The following GNB1 variants were observed in gnomAD, a reference collection of about 807,000 sequenced individuals.
GNB1 encodes the protein G protein subunit beta 1.
A neutral mutation model predicts 42.9 loss-of-function variants in GNB1; 2 were observed. The ratio of observed to expected loss-of-function variants is 0.05; its 90% CI spans 0.02 to 0.15. GNB1 has a LOEUF of 0.15. GNB1 is among the 10% of genes least tolerant of loss of function. The pLI is 1.00. For synonymous variants in GNB1, 183 were observed against 174.7 expected (o/e 1.05, Z -0.38); for missense variants, 193 against 462.2 (o/e 0.42, Z 5.34).
chr1:1,812,415 C>CAT (rs1396434397), intron 5 of GNB1, among the ~76,000 whole-genome samples: 1 of 150,462 alleles, frequency 6.6e-6, no homozygotes, highest in African/African-American at 2.4e-5. Flanking sequence ...CATACACACA[C>CAT]ACACACACAC....
chr1:1,790,563 C>T lies in GNB1; in HGVS notation c.531G>A (p.Thr177=), dbSNP rs755635323. ...CTCCAGTGTGTCCGGTAAACGTGGT[C>T]GTCTGCTGGCCGGTCTCGATGTCCC... ...ALWDIETGQQ[T]TTFTGHTGDV... The change falls in exon 9 of 12, where the codon ACG becomes ACA. Residue 177 remains threonine (T), a synonymous_variant. Transcript: ENST00000378609. The surrounding 1 kb of genome is among the most constrained non-coding windows in gnomAD (Gnocchi z 5.4). 6.8e-6 allele frequency: 11 copies of T among 1,613,692 alleles called. No individual in the cohort carries two copies. The highest frequency in any genetic ancestry group is 8.5e-6 in the Non-Finnish European group (10 of 1,179,726).
chr1:1,817,638 G>C, intron 4 of GNB1, 199 bp downstream of exon 4: 1 of 478,610 alleles, frequency 2.1e-6, no homozygotes, highest in Admixed American at 3.2e-5. Flanking sequence ...TTCAAGGCTT[G>C]AGATATCTCA....
rs143028860 is a variant in GNB1 at position 1,854,614 on chromosome 1, G to GT, written c.-95-15377dup. Among the ~76,000 whole-genome samples the GT allele has an allele frequency of 3.9e-3, 588 of 152,306 alleles. 4 individuals carry two copies. Among genetic ancestry groups the GT allele is most frequent in the African/African-American group, 0.014 (565 of 41,572 alleles). On this transcript the variant is annotated intron_variant, in intron 1 of 11. Coordinates refer to ENST00000378609, the MANE Select transcript of GNB1 (RefSeq NM_002074.5). ...GTTAGTCCCAGACATTCCTTCCTAA[G>GT]TAAGTTTTTAAGCTGGGCGCATTGG...
At chr1:1,836,565 T>A (rs184902188) in intron 2 of GNB1, among the ~76,000 whole-genome samples, 77 of 152,010 alleles carry the variant, frequency 5.1e-4, no homozygotes, top group African/African-American at 1.8e-3. Context: ...CTAAATTTTT[T>A]TTTTGGAGAC....
chr1:1,802,392 TGTAAA>T (rs1464849877), intron 7 of GNB1, among the ~76,000 whole-genome samples: 5 of 152,194 alleles, frequency 3.3e-5, no homozygotes, highest in African/African-American at 1.2e-4. Context: ...ACTTCAGATA[TGTAAA>T]AATTATACAT....
At chr1:1,808,133 T>C (rs938753514) in intron 5 of GNB1, among the ~76,000 whole-genome samples, 1 of 152,066 alleles carries the variant, frequency 6.6e-6, no homozygotes, top group Non-Finnish European at 1.5e-5. Context: ...GCCTCCAAAG[T>C]AGCTGGGATT....
chr1:1,799,013 G>A (rs12756821), intron 7 of GNB1, among the ~76,000 whole-genome samples: 24 of 150,382 alleles, frequency 1.6e-4, no homozygotes, highest in Non-Finnish European at 3.4e-4. Context: ...TCCGCCCCCC[G>A]GGGTTCACGC....
chr1:1,880,543 G>A (rs1248355342), intron 1 of GNB1, among the ~76,000 whole-genome samples: 5 of 151,788 alleles, frequency 3.3e-5, no homozygotes, highest in Non-Finnish European at 7.4e-5. Context: ...CCGAGATCGC[G>A]CCACTGCACT....
Position 1,789,034 on chromosome 1 carries a change from A to T in GNB1, c.916+19T>A, listed in dbSNP as rs1353041878. The T allele has an allele frequency of 6.4e-7, 1 of 1,564,466 alleles. No homozygotes were observed. The highest frequency in any genetic ancestry group is 1.1e-5 in the South Asian group (1 of 90,144). On this transcript the variant is annotated intron_variant, in intron 10 of 11. Coordinates refer to ENST00000378609, the MANE Select transcript of GNB1 (RefSeq NM_002074.5). ...ACGTAAATGTCCACAAGACACAGAAAGGCCCCATGGCCACGTACCTGCCCG... is the reference window on the plus strand; with the variant it reads ...ACGTAAATGTCCACAAGACACAGAATGGCCCCATGGCCACGTACCTGCCCG...
At chr1:1,816,601 C>A (rs1350004198) in intron 4 of GNB1, among the ~76,000 whole-genome samples, 2 of 143,778 alleles carry the variant, frequency 1.4e-5, no homozygotes, top group Non-Finnish European at 3.1e-5. Flanking sequence ...TATAGTTTTT[C>A]TTTCACATTT....
Position 1,785,663 on chromosome 1 carries a change from CTG to C in GNB1, c.*1398_*1399del, listed in dbSNP as rs1289772840. 3 of 259,496 alleles carry C rather than the reference CTG, an allele frequency of 1.2e-5. No individual in the cohort carries two copies. Among genetic ancestry groups the C allele is most frequent in the Admixed American group, 5.4e-5 (1 of 18,384 alleles). The allele number at this position is 259,496 out of a possible 1,614,324, so 16.1% of individuals were successfully genotyped here. A position where few individuals can be genotyped will look rare whatever the true frequency, so the allele number is the denominator to read the frequency against. Reference sequence around the variant, plus strand: ...GCCTTGAAATGAACACCAGGACAATCTGTGTGTGATGGGAATGAGCCACCTCA... The same window carrying C: ...GCCTTGAAATGAACACCAGGACAATCTGTGTGATGGGAATGAGCCACCTCA... On this transcript the variant is annotated 3_prime_UTR_variant, in exon 12 of 12. Transcript: ENST00000378609.
intron 2 of GNB1, among the ~76,000 whole-genome samples, chr1:1,828,826 G>C (rs1394634226): frequency 6.6e-6 from 1 of 152,056 alleles, no homozygotes; most frequent in Non-Finnish European, 1.5e-5. Context: ...AGGACTGCTT[G>C]AATCCAGCAG....
At chr1:1,820,356 TA>T (rs35466451) in intron 3 of GNB1, among the ~76,000 whole-genome samples, 37,614 of 101,784 alleles carry the variant, frequency 0.37, 6,109 homozygotes, top group Middle Eastern at 0.4. Context: ...AGACTCTGTT[TA>T]AAAAAAAAAA....
chr1:1,867,693 G>A (rs1366254930), intron 1 of GNB1, among the ~76,000 whole-genome samples: 1 of 151,814 alleles, frequency 6.6e-6, no homozygotes, highest in Non-Finnish European at 1.5e-5. Context: ...TAATTTTCCT[G>A]CCTTTGAACT....
At chr1:1,817,916 T>C in intron 3 of GNB1, 41 bp from the exon 4 acceptor site, 1 of 1,513,382 alleles carries the variant, frequency 6.6e-7, no homozygotes, top group Non-Finnish European at 9.2e-7. Flanking sequence ...ACCTTTCAGA[T>C]ACATTCAATC....
chr1:1,814,211 T>A (rs1350139291), intron 5 of GNB1, among the ~76,000 whole-genome samples: 2 of 152,200 alleles, frequency 1.3e-5, no homozygotes, highest in Admixed American at 1.3e-4. Flanking sequence ...TCTTTTGTTC[T>A]CTAGCTGTTT....
intron 1 of GNB1, among the ~76,000 whole-genome samples, chr1:1,846,684 A>C (rs1041864433): frequency 7.2e-5 from 11 of 152,146 alleles, no homozygotes; most frequent in African/African-American, 2.4e-4. Flanking sequence ...CAGCCCCCTA[A>C]GTAGCAAGGA....
intron 5 of GNB1, among the ~76,000 whole-genome samples, chr1:1,807,992 A>C (rs1391597031): frequency 6.6e-6 from 1 of 150,554 alleles, no homozygotes; most frequent in Non-Finnish European, 1.5e-5. Flanking sequence ...TACAGGCGGG[A>C]GCCACCACGC....
chr1:1,837,552 C>A (rs1570693174), intron 2 of GNB1, among the ~76,000 whole-genome samples: 1 of 147,314 alleles, frequency 6.8e-6, no homozygotes, highest in Non-Finnish European at 1.5e-5. Flanking sequence ...CCATGCCTGG[C>A]CTTTTTGTTT....
Sources: gnomAD v4.1 joint callset for allele counts (sites outside exome capture counted in the v4.1 genomes callset) on GRCh38, gnomAD v4.1.1 for gene constraint, Gnocchi (gnomAD v3.1) non-coding constraint, MANE v1.5 for transcripts, NCBI Gene and HGNC (gene_info 2026-07-23, HGNC 2026-07-21) for gene names.